Variants in FAM135B observed in about 807,000 individuals in gnomAD.
The protein encoded by FAM135B is protein FAM135B.
In FAM135B, 43 loss-of-function variants were observed where a neutral mutation model predicts 127.7. The observed-to-expected ratio is 0.34, with a 90% CI of 0.26 to 0.43. FAM135B has a LOEUF of 0.43. Ranked by LOEUF, FAM135B falls within the 20% of genes least tolerant of loss-of-function variation. The pLI is 1.00. For missense variants in FAM135B, 1,558 were observed against 1,725.6 expected (o/e 0.90, Z 1.72); for synonymous variants, 670 against 665.1 (o/e 1.01, Z -0.11).
At chr8:138,268,543 G>C (rs573973480) in intron 3 of FAM135B, among the ~76,000 whole-genome samples, 3 of 152,104 alleles carry the variant, frequency 2.0e-5, no homozygotes, top group African/African-American at 7.2e-5. Flanking sequence ...CTCACCAATC[G>C]CAAGACACTT....
chr8:138,423,973 T>C (rs1398752295), intron 1 of FAM135B, among the ~76,000 whole-genome samples: 1 of 152,234 alleles, frequency 6.6e-6, no homozygotes, highest in Non-Finnish European at 1.5e-5. Context: ...AAGAGAAATA[T>C]GGCTGTGTTC....
intron 2 of FAM135B, among the ~76,000 whole-genome samples, chr8:138,360,047 AG>A (rs1047226557): frequency 6.6e-5 from 10 of 152,300 alleles, no homozygotes; most frequent in Non-Finnish European, 1.0e-4. Context: ...AATCATCTAA[AG>A]CCACTGGGGA....
At chr8:138,204,522 G>C (rs1817408639) in intron 7 of FAM135B, among the ~76,000 whole-genome samples, 1 of 152,188 alleles carries the variant, frequency 6.6e-6, no homozygotes, top group African/African-American at 2.4e-5. Context: ...GAATGAGTGA[G>C]TCATAGCATC....
chr8:138,160,448 T>G (rs1404458212), intron 12 of FAM135B, among the ~76,000 whole-genome samples: 1 of 151,886 alleles, frequency 6.6e-6, no homozygotes, highest in African/African-American at 2.4e-5. Context: ...GAGTGCAGTG[T>G]CTCCATCTTG....
chr8:138,223,851 A>G (rs969208963), intron 7 of FAM135B, among the ~76,000 whole-genome samples: 2 of 152,234 alleles, frequency 1.3e-5, no homozygotes, highest in Non-Finnish European at 2.9e-5. Flanking sequence ...AATACTATGC[A>G]GCCATAAAAA....
At position 138,488,319 on chromosome 8, in the gene FAM135B, A is replaced by C. The variant is rs1029644353; in HGVS notation, c.-20+8352T>G. 1.3e-4 allele frequency among the ~76,000 whole-genome samples: 3 copies of C among 22,894 alleles called. No homozygotes were observed. In the East Asian group the frequency reaches 3.8e-3, roughly 29 times the overall value. 15.0% of individuals were successfully genotyped at this position (22,894 alleles called of 152,430 possible). The stretch of plus-strand genomic sequence containing the variant: ...GTTTTGTGCAGCTATGAGTACAGCA[A>C]AGTCCTTGCACCGGGGAGGTCACAT... On this transcript the variant is annotated intron_variant, in intron 1 of 19. Coordinates refer to ENST00000395297, the MANE Select transcript of FAM135B (RefSeq NM_015912.4).
Position 138,226,941 on chromosome 8 carries a change from C to T in FAM135B, c.669+16001G>A, listed in dbSNP as rs145021604. 7.9e-3 allele frequency among the ~76,000 whole-genome samples: 1,208 copies of T among 152,288 alleles called. 17 individuals are homozygous for T. Among genetic ancestry groups the T allele is most frequent in the African/African-American group, 0.027 (1,140 of 41,554 alleles). ...CAAACTCCTGACCTCAAATGATCTG[C>T]CTGCTTCAGCCTCCCAAAATGCTGG... is the stretch of plus-strand genomic sequence containing the variant. On this transcript the variant is annotated intron_variant, in intron 7 of 19. Coordinates refer to ENST00000395297, the MANE Select transcript of FAM135B (RefSeq NM_015912.4).
rs904245769 is a variant in FAM135B at position 138,241,491 on chromosome 8, C to T, written c.669+1451G>A. On this transcript the variant is annotated intron_variant, in intron 7 of 19. Transcript: ENST00000395297. This position sits in a 1 kb window ranked among gnomAD's most constrained non-coding sequence, Gnocchi z 4.8. Reference sequence around the variant, plus strand: ...AAATCATGTGACACAGCAGCTTGGACAAGATGAAGACATGAGTTGGGCAGC... The same window carrying T: ...AAATCATGTGACACAGCAGCTTGGATAAGATGAAGACATGAGTTGGGCAGC... 6.6e-6 allele frequency among the ~76,000 whole-genome samples: 1 copy of T among 152,168 alleles called. No homozygotes were observed. Among genetic ancestry groups the T allele is most frequent in the African/African-American group, 2.4e-5 (1 of 41,436 alleles).
At chr8:138,346,921 T>C (rs1422283339) in intron 2 of FAM135B, among the ~76,000 whole-genome samples, 2 of 152,194 alleles carry the variant, frequency 1.3e-5, no homozygotes, top group Admixed American at 6.5e-5. Context: ...TATAATCACA[T>C]TGTATGATAA....
At chr8:138,230,952 T>C (rs548060913) in intron 7 of FAM135B, among the ~76,000 whole-genome samples, 2 of 152,304 alleles carry the variant, frequency 1.3e-5, no homozygotes, top group South Asian at 4.2e-4. Context: ...GCTCTTCATG[T>C]GCAGGTTACA....
chr8:138,402,002 G>GGT (rs1175402659), intron 1 of FAM135B, among the ~76,000 whole-genome samples: 3 of 151,956 alleles, frequency 2.0e-5, no homozygotes, highest in African/African-American at 2.4e-5. Context: ...GCCTGTCCCT[G>GGT]GTGTGTGTGT....
At chr8:138,452,162 C>A (rs922258179) in intron 1 of FAM135B, among the ~76,000 whole-genome samples, 6 of 118,584 alleles carry the variant, frequency 5.1e-5, no homozygotes, top group African/African-American at 1.9e-4. Flanking sequence ...TGGAGTCTTG[C>A]TCTGTTGCTC....
intron 1 of FAM135B, among the ~76,000 whole-genome samples, chr8:138,486,191 C>T (rs1814977960): frequency 6.6e-6 from 1 of 151,820 alleles, no homozygotes; most frequent in Admixed American, 6.6e-5. Flanking sequence ...GTGGCTAAGT[C>T]GGGATGAAAA....
chr8:138,265,685 G>T lies in FAM135B; in HGVS notation c.297+18C>A. On this transcript the variant is annotated intron_variant, in intron 4 of 19. Coordinates refer to ENST00000395297, the MANE Select transcript of FAM135B (RefSeq NM_015912.4). ...TAGGGAACAGCTACTTGTGGCTGGT[G>T]GTAGATTCATGACTTACCCTTTCAC... 1 of 1,613,618 alleles carries T rather than the reference G, an allele frequency of 6.2e-7. No individual in the cohort carries two copies. Among genetic ancestry groups the T allele is most frequent in the Non-Finnish European group, 8.5e-7 (1 of 1,179,694 alleles).
At chr8:138,488,514 C>T (rs1483336962) in intron 1 of FAM135B, among the ~76,000 whole-genome samples, 3 of 151,674 alleles carry the variant, frequency 2.0e-5, no homozygotes, top group Admixed American at 6.6e-5. Flanking sequence ...AAAGAGGGGA[C>T]TTAGGTGAGG....
intron 1 of FAM135B, among the ~76,000 whole-genome samples, chr8:138,380,075 G>C (rs569563304): frequency 6.6e-6 from 1 of 152,220 alleles, no homozygotes; most frequent in Admixed American, 6.5e-5. Flanking sequence ...CCCAATTCAA[G>C]TTGAATCACA....
intron 11 of FAM135B, among the ~76,000 whole-genome samples, chr8:138,175,719 C>CAAGTCA (rs111512017): frequency 6.6e-6 from 1 of 151,472 alleles, no homozygotes; most frequent in Non-Finnish European, 1.5e-5. Flanking sequence ...TATGAGATTA[C>CAAGTCA]TACCCCATTT....
At chr8:138,472,684 G>A (rs936477635) in intron 1 of FAM135B, among the ~76,000 whole-genome samples, 2 of 152,162 alleles carry the variant, frequency 1.3e-5, no homozygotes, top group South Asian at 2.1e-4. Context: ...GTTAAGAACT[G>A]AGCTAAGTTT....
chr8:138,316,521 A>T (rs375370466), intron 2 of FAM135B, among the ~76,000 whole-genome samples: 2 of 152,104 alleles, frequency 1.3e-5, no homozygotes, highest in Non-Finnish European at 2.9e-5. Flanking sequence ...AAACAAAAAA[A>T]ACCACAATGA....
Sources: allele counts gnomAD v4.1 joint callset (sites outside exome capture counted in the v4.1 genomes callset), GRCh38; gene constraint gnomAD v4.1.1; non-coding constraint Gnocchi (gnomAD v3.1); transcripts MANE v1.5; gene names NCBI Gene and HGNC (gene_info 2026-07-23, HGNC 2026-07-21).